Variants in AMOT observed in about 807,000 individuals in gnomAD.
AMOT encodes angiomotin.
A neutral mutation model predicts 67.0 loss-of-function variants in AMOT; 11 were observed. The ratio of observed to expected loss-of-function variants is 0.16; its 90% CI spans 0.10 to 0.27. The LOEUF is 0.27. Ranked by LOEUF, AMOT falls within the 10% of genes least tolerant of loss-of-function variation. The probability of loss-of-function intolerance (pLI) is 1.00; values close to 1 mark genes in which losing one functional copy is unlikely to be tolerated. For missense variants in AMOT, 753 were observed against 852.0 expected, an observed-to-expected ratio of 0.88 and a Z score of 1.45; for synonymous variants, 326 against 321.4, an observed-to-expected ratio of 1.01 and a Z score of -0.15.
intron 2 of AMOT, among the ~76,000 whole-genome samples, chrX:112,829,134 G>A (rs886111784): frequency 9.0e-6 from 1 of 111,613 alleles, no homozygotes; most frequent in African/African-American, 3.3e-5. Context: ...ACTAGTTCAA[G>A]AAAAGGCTTA....
chrX:112,790,442 A>G, intron 10 of AMOT, 150 bp downstream of exon 10: 1 of 579,505 alleles, frequency 1.7e-6, no homozygotes, highest in Non-Finnish European at 2.6e-6. Flanking sequence ...ACAGCCGTTC[A>G]TTCCCTGCAT....
At chrX:112,818,133 TG>T (rs1347198856) in intron 4 of AMOT, among the ~76,000 whole-genome samples, 2 of 111,468 alleles carry the variant, frequency 1.8e-5, no homozygotes, top group African/African-American at 6.5e-5. Flanking sequence ...CCTTCATTTT[TG>T]TTCCCAGGAT....
chrX:112,776,853 T>C lies in AMOT; in HGVS notation c.*1714A>G, dbSNP rs926944646. 1.8e-5 allele frequency: 2 copies of C among 112,024 alleles called. No individual in the cohort carries two copies. The highest frequency in any genetic ancestry group is 6.5e-5 in the African/African-American group (2 of 30,703). The allele number at this position is 112,024 out of a possible 1,213,427, so 9.2% of individuals were successfully genotyped here. A position where few individuals can be genotyped will look rare whatever the true frequency, so the allele number is the denominator to read the frequency against. ...TACATTTTACAAGATACATATTCCCTGGACCATGAAGATGCCTTTTCATAA... is the reference window on the plus strand; with the variant it reads ...TACATTTTACAAGATACATATTCCCCGGACCATGAAGATGCCTTTTCATAA... On this transcript the variant is annotated 3_prime_UTR_variant, in exon 14 of 14. Transcript: ENST00000371959.
At chrX:112,804,739 C>T (rs948345342) in intron 8 of AMOT, among the ~76,000 whole-genome samples, 1 of 111,197 alleles carries the variant, frequency 9.0e-6, no homozygotes. Flanking sequence ...TGGTGATTTC[C>T]TATTTTGGAG....
intron 1 of AMOT, among the ~76,000 whole-genome samples, chrX:112,833,269 A>ACC (rs1477331049): frequency 2.7e-5 from 3 of 110,187 alleles, no homozygotes; most frequent in Non-Finnish European, 5.7e-5. Flanking sequence ...GCAAGTACTC[A>ACC]CCCCCCTAAA....
chrX:112,809,852 C>T (rs1293528655), intron 7 of AMOT, 42 bp downstream of exon 7: 2 of 1,111,870 alleles, frequency 1.8e-6, no homozygotes, highest in Admixed American at 2.2e-5. Flanking sequence ...ACCTTGCTCC[C>T]ATCCACACGT....
chrX:112,829,793 G>GGTGATCAACCCTGAAGTGGATGTGAGCA (rs779158467), intron 2 of AMOT, among the ~76,000 whole-genome samples: 255 of 111,581 alleles, frequency 2.3e-3, no homozygotes, highest in African/African-American at 8.3e-3. Context: ...AGGCAACAAA[G>GGTGATCAACCCTGAAGTGGATGTGAGCA]GTGATCAACC....
intron 10 of AMOT, among the ~76,000 whole-genome samples, chrX:112,788,965 G>T (rs912135917): frequency 4.5e-5 from 5 of 112,126 alleles, no homozygotes; most frequent in African/African-American, 1.6e-4. Flanking sequence ...TTCAAAGGAC[G>T]AAGGAAGGAG....
In AMOT at chrX:112,840,680, G is replaced by A. The variant is rs1935271117; in HGVS notation, c.-517C>T. The A allele has an allele frequency of 8.8e-6, 1 of 113,301 alleles. No individual in the cohort carries two copies. The highest frequency in any genetic ancestry group is 1.9e-5 in the Non-Finnish European group (1 of 53,552). The allele number at this position is 113,301 out of a possible 1,213,427, so 9.3% of individuals were successfully genotyped here. On this transcript the variant is annotated 5_prime_UTR_variant, in exon 1 of 14. Coordinates refer to ENST00000371959, the MANE Select transcript of AMOT (RefSeq NM_001113490.2). ...ACTGACTGGAGGTGGTGGTAGTTGAGGGGGAGGCGGAGAGAACTAAGAGAA... is the reference window on the plus strand; with the variant it reads ...ACTGACTGGAGGTGGTGGTAGTTGAAGGGGAGGCGGAGAGAACTAAGAGAA...
chrX:112,785,418 A>G (rs1462778196), intron 10 of AMOT, among the ~76,000 whole-genome samples: 2 of 112,022 alleles, frequency 1.8e-5, no homozygotes, highest in African/African-American at 6.5e-5. Flanking sequence ...TGTTTATTTA[A>G]TATGTGAACT....
At position 112,782,567 on chromosome X, in the gene AMOT, T is replaced by C. The variant is rs777981430; in HGVS notation, c.2213A>G (p.Asn738Ser). 2.5e-6 allele frequency: 3 copies of C among 1,211,844 alleles called. No individual in the cohort carries two copies. Among genetic ancestry groups the C allele is most frequent in the East Asian group, 5.9e-5 (2 of 33,837 alleles). The change falls in exon 11 of 14, where the codon AAT becomes AGT. Residue 738 changes from asparagine to serine, a missense_variant. By Grantham distance (46) the Asn-to-Ser change is conservative. Transcript: ENST00000371959. ...GCCCTCCATGTCAAGGCAACGCTTA[T>C]TGGCCATCAAGATTTCTTCCTCCTC... is the stretch of plus-strand genomic sequence containing the variant. ...QKEEEEILMA[N>S]KRCLDMEGRI...
At chrX:112,826,716 T>C (rs1934851919) in intron 2 of AMOT, among the ~76,000 whole-genome samples, 3 of 111,904 alleles carry the variant, frequency 2.7e-5, no homozygotes, top group Non-Finnish European at 5.6e-5. Context: ...GAAACTACCA[T>C]ATGATTTTTT....
Position 112,815,366 on chromosome X carries a change from G to C in AMOT, c.1384C>G (p.Leu462Val). The C allele has an allele frequency of 8.3e-6, 10 of 1,208,581 alleles. No individual in the cohort carries two copies. Among genetic ancestry groups the C allele is most frequent in the Non-Finnish European group, 1.1e-5 (10 of 893,718 alleles). The change falls in exon 5 of 14, where the codon CTG (leucine) becomes GTG (valine). Residue 462 changes from leucine (L) to valine (V), a missense_variant. Physicochemically the swap from Leu to Val is conservative, Grantham distance 32. Around this residue, in one of 5 missense-constraint regions of AMOT, gnomAD observed 297 missense variants for 284.3 expected, o/e 1.04. Transcript: ENST00000371959. Reference sequence around the variant, plus strand: ...CAAAACGGAAGCCTCACCTTCTGCAGTCTTGCCACCTTCTCATAGCATCCT... The same window carrying C: ...CAAAACGGAAGCCTCACCTTCTGCACTCTTGCCACCTTCTCATAGCATCCT... ...LEGCYEKVAR[L>V]QKVETEIQRV...
At chrX:112,821,710 C>CTACA (rs1934719680) in intron 4 of AMOT, among the ~76,000 whole-genome samples, 1 of 111,764 alleles carries the variant, frequency 8.9e-6, no homozygotes, top group Admixed American at 9.5e-5. Flanking sequence ...CATTCTGAAC[C>CTACA]TACATACATA....
chrX:112,833,699 T>C (rs678780), intron 1 of AMOT, among the ~76,000 whole-genome samples: 50,937 of 110,701 alleles, frequency 0.46, 8,711 homozygotes, highest in African/African-American at 0.59. Flanking sequence ...CTTTGGTTTA[T>C]AGCCCATGAT....
chrX:112,804,861 C>T, intron 8 of AMOT, 86 bp downstream of exon 8: 1 of 1,151,455 alleles, frequency 8.7e-7, no homozygotes, highest in African/African-American at 1.8e-5. Context: ...TATGCAGCTG[C>T]CAATTCACCA....
intron 5 of AMOT, among the ~76,000 whole-genome samples, 181 bp downstream of exon 5, chrX:112,815,177 A>G (rs925470635): frequency 3.6e-5 from 4 of 111,942 alleles, no homozygotes; most frequent in African/African-American, 1.3e-4. Context: ...TACTTCTCCT[A>G]GGTAGACAGG....
In AMOT at chrX:112,822,347, C is replaced by T. The variant is rs1178255565; in HGVS notation, c.780G>A (p.Gly260=). The T allele has an allele frequency of 2.6e-6, 3 of 1,157,526 alleles. No individual in the cohort carries two copies. The highest frequency in any genetic ancestry group is 6.5e-5 in the East Asian group (2 of 30,667). ...TCAGGCGATGCTCACTATAGAAGTG[C>T]CCTGGCTCTTGGGGCTTGCACACTA... ...QSVVCKPQEP[G]HFYSEHRLNQ... The change falls in exon 4 of 14, where the codon GGG becomes GGA. Residue 260 remains glycine, a synonymous_variant. Transcript: ENST00000371959.
intron 8 of AMOT, among the ~76,000 whole-genome samples, chrX:112,796,457 A>C (rs1169040387): frequency 1.8e-5 from 2 of 112,156 alleles, no homozygotes; most frequent in Non-Finnish European, 3.8e-5. Flanking sequence ...AGCCCTCAAG[A>C]TTCCAAGTAA....
Sources: allele counts gnomAD v4.1 joint callset (sites outside exome capture counted in the v4.1 genomes callset), GRCh38; gene constraint gnomAD v4.1.1; regional missense constraint gnomAD v4.1.1; transcripts MANE v1.5; gene names NCBI Gene and HGNC (gene_info 2026-07-23, HGNC 2026-07-21).